GABRB1: variants seen among roughly 807,000 people sequenced by gnomAD.
The protein encoded by GABRB1 is gamma-aminobutyric acid type A receptor subunit beta1, also known as gamma-aminobutyric acid receptor subunit beta-1.
A neutral mutation model predicts 51.6 loss-of-function variants in GABRB1; 17 were observed. The observed-to-expected ratio is 0.33, with a 90% confidence interval of 0.23 to 0.49. The LOEUF is 0.49. Ranked by LOEUF, GABRB1 falls within the 20% of genes least tolerant of loss-of-function variation. GABRB1 has a pLI of 0.99. For synonymous variants in GABRB1, 247 were observed against 218.9 expected, an observed-to-expected ratio of 1.13 and a Z score of -1.14; for missense variants, 410 against 600.6, an observed-to-expected ratio of 0.68 and a Z score of 3.32.
chr4:47,092,230 T>C (rs1428912884), intron 3 of GABRB1, among the ~76,000 whole-genome samples: 1 of 139,850 alleles, frequency 7.2e-6, no homozygotes, highest in East Asian at 2.3e-4. Flanking sequence ...TGGAGTGCAA[T>C]GGCATGATCT....
At chr4:47,023,822 A>G (rs1273529919) in intron 1 of GABRB1, among the ~76,000 whole-genome samples, 1 of 152,016 alleles carries the variant, frequency 6.6e-6, no homozygotes, top group Non-Finnish European at 1.5e-5. Flanking sequence ...TAAAAACAGA[A>G]AAATGAAAAA....
In GABRB1 at chr4:47,227,852, T is replaced by C. The variant is rs1578016710; in HGVS notation, c.461+66383T>C. ...TTTGCCTTGCAGATGGCTGCCTTCTTGTTGTTTCTTCACGTAGTCATCCTT... is the reference window on the plus strand; with the variant it reads ...TTTGCCTTGCAGATGGCTGCCTTCTCGTTGTTTCTTCACGTAGTCATCCTT... On this transcript the variant is annotated intron_variant, in intron 4 of 8. Transcript: ENST00000295454. Among the ~76,000 whole-genome samples, 3 of 152,180 alleles carry C rather than the reference T, an allele frequency of 2.0e-5. No individual in the cohort carries two copies. In the South Asian group the frequency reaches 6.2e-4, roughly 31 times the overall value.
At chr4:47,325,503 A>C (rs1469557232) in intron 5 of GABRB1, among the ~76,000 whole-genome samples, 1 of 151,656 alleles carries the variant, frequency 6.6e-6, no homozygotes, top group African/African-American at 2.4e-5. Context: ...CTTGATCTTC[A>C]AGCTCTTGTG....
At chr4:47,100,202 G>GA (rs11417832) in intron 3 of GABRB1, among the ~76,000 whole-genome samples, 52,377 of 151,746 alleles carry the variant, frequency 0.35, 9,391 homozygotes, top group Middle Eastern at 0.45. Context: ...AAATCTTAAG[G>GA]AAATGTTTAA....
At chr4:47,092,766 C>T (rs902111968) in intron 3 of GABRB1, among the ~76,000 whole-genome samples, 2 of 151,926 alleles carry the variant, frequency 1.3e-5, no homozygotes, top group Admixed American at 1.3e-4. Context: ...TGCCCGCCAC[C>T]ACACCTGGCT....
intron 4 of GABRB1, among the ~76,000 whole-genome samples, chr4:47,170,409 A>ACACACG (rs1718390979): frequency 6.6e-6 from 1 of 151,742 alleles, no homozygotes. Flanking sequence ...ACACGCACAC[A>ACACACG]CACACACACG....
intron 4 of GABRB1, among the ~76,000 whole-genome samples, chr4:47,201,179 G>C (rs1045389598): frequency 6.6e-6 from 1 of 151,978 alleles, no homozygotes. Flanking sequence ...AAAAAATATT[G>C]AGGAACAAGG....
intron 4 of GABRB1, among the ~76,000 whole-genome samples, chr4:47,221,905 T>A (rs917417047): frequency 6.6e-6 from 1 of 152,096 alleles, no homozygotes; most frequent in African/African-American, 2.4e-5. Context: ...CTATAACTCA[T>A]GCCTGAAGGA....
intron 4 of GABRB1, among the ~76,000 whole-genome samples, chr4:47,245,877 A>AC (rs934379708): frequency 4.8e-5 from 7 of 146,008 alleles, no homozygotes; most frequent in Admixed American, 3.4e-4. Context: ...GTAGAGGTCT[A>AC]CCTGGGAAAC....
At chr4:47,259,035 A>C (rs914250878) in intron 4 of GABRB1, among the ~76,000 whole-genome samples, 13 of 152,132 alleles carry the variant, frequency 8.5e-5, no homozygotes, top group Non-Finnish European at 1.6e-4. Flanking sequence ...CAGTTGTCTT[A>C]AGTAAACTGC....
At chr4:47,059,590 G>T (rs1408748700) in intron 3 of GABRB1, among the ~76,000 whole-genome samples, 3 of 152,038 alleles carry the variant, frequency 2.0e-5, no homozygotes, top group Admixed American at 2.0e-4. Context: ...TTATGTAGTT[G>T]TAAAGATATT....
intron 3 of GABRB1, among the ~76,000 whole-genome samples, chr4:47,101,428 G>C (rs1332534779): frequency 2.0e-5 from 3 of 151,976 alleles, no homozygotes; most frequent in Non-Finnish European, 4.4e-5. Flanking sequence ...TTATTTAGAA[G>C]TTGACATTAA....
In GABRB1 at chr4:46,993,771, G is replaced by C. The variant is rs1577805407; in HGVS notation, c.-175G>C. ...GCAAGTTTGTTCCGACTGTAACTCCGGGGATGAGGAACGGGGTCTCTCGCC... is the reference window on the plus strand; with the variant it reads ...GCAAGTTTGTTCCGACTGTAACTCCCGGGATGAGGAACGGGGTCTCTCGCC... On this transcript the variant is annotated 5_prime_UTR_variant, in exon 1 of 4. Transcript: ENST00000513567. The C allele has an allele frequency of 1.3e-5, 3 of 229,670 alleles. 1 individual carries two copies. In the South Asian group the frequency reaches 1.7e-4, roughly 13 times the overall value. The allele number at this position is 229,670 out of a possible 1,614,324, so 14.2% of individuals were successfully genotyped here.
At chr4:47,076,606 T>C (rs1374721658) in intron 3 of GABRB1, among the ~76,000 whole-genome samples, 1 of 151,952 alleles carries the variant, frequency 6.6e-6, no homozygotes, top group Non-Finnish European at 1.5e-5. Context: ...GCCTGAGAGG[T>C]TACCCACCGC....
At chr4:47,054,733 C>T (rs1433297009) in intron 3 of GABRB1, among the ~76,000 whole-genome samples, 3 of 152,072 alleles carry the variant, frequency 2.0e-5, no homozygotes, top group African/African-American at 7.2e-5. Flanking sequence ...CAGGTGCCTG[C>T]CACCATGCCC....
chr4:47,222,032 G>T (rs1252420375), intron 4 of GABRB1, among the ~76,000 whole-genome samples: 1 of 151,952 alleles, frequency 6.6e-6, no homozygotes, highest in Admixed American at 6.6e-5. Context: ...TCAAAATTAC[G>T]AATGATAATG....
chr4:47,252,823 A>G lies in GABRB1; in HGVS notation c.462-67304A>G, dbSNP rs1163211934. Among the ~76,000 whole-genome samples the G allele has an allele frequency of 4.6e-5, 7 of 152,158 alleles. No individual in the cohort carries two copies. The South Asian group carries it at 6.2e-4, about 14-fold the overall frequency. On this transcript the variant is annotated intron_variant, in intron 4 of 8. Coordinates refer to ENST00000295454, the MANE Select transcript of GABRB1 (RefSeq NM_000812.4). ...ATGAGCCACCATGTCCAGCCTGTAC[A>G]CATTTCTTTATTGTTAAAATCCCTT...
chr4:47,363,026 G>GTGTC (rs1382589029), intron 5 of GABRB1, among the ~76,000 whole-genome samples: 6 of 120,190 alleles, frequency 5.0e-5, no homozygotes, highest in Non-Finnish European at 9.7e-5. Context: ...AAGCGTGTGT[G>GTGTC]TGTGTGTGTG....
intron 3 of GABRB1, among the ~76,000 whole-genome samples, chr4:47,069,780 T>C (rs1481996567): frequency 1.3e-5 from 2 of 152,158 alleles, no homozygotes; most frequent in Non-Finnish European, 2.9e-5. Context: ...ATCTCAAATA[T>C]AGTCCTATTT....
Sources: gnomAD v4.1 joint callset for allele counts (sites outside exome capture counted in the v4.1 genomes callset) on GRCh38, gnomAD v4.1.1 for gene constraint, MANE v1.5 for transcripts, NCBI Gene and HGNC (gene_info 2026-07-23, HGNC 2026-07-21) for gene names.